Variants in ZNF529 observed in about 807,000 individuals in gnomAD.
The protein encoded by ZNF529 is zinc finger protein 529.
Under a neutral mutation model 10.1 loss-of-function variants are expected in ZNF529, and 11 were observed. The observed-to-expected ratio is 1.09, with a 90% CI of 0.69 to 1.81. ZNF529 has a LOEUF of 1.81. ZNF529 is among the 40% of genes most tolerant of loss of function. The probability of loss-of-function intolerance (pLI) is 0.00; values close to 1 mark genes in which losing one functional copy is unlikely to be tolerated. For synonymous variants in ZNF529, 204 were observed against 215.7 expected, an observed-to-expected ratio of 0.95 and a Z score of 0.47; for missense variants, 624 against 666.8, an observed-to-expected ratio of 0.94 and a Z score of 0.71.
At chr19:36,588,573 A>G (rs914493862) in intron 2 of ZNF529, among the ~76,000 whole-genome samples, 6 of 152,150 alleles carry the variant, frequency 3.9e-5, no homozygotes, top group African/African-American at 1.4e-4. Context: ...AATGAGTGCT[A>G]TTCTACCTCA....
intron 1 of ZNF529, among the ~76,000 whole-genome samples, chr19:36,601,613 A>G (rs2036925136): frequency 6.6e-6 from 1 of 152,108 alleles, no homozygotes; most frequent in Non-Finnish European, 1.5e-5. Flanking sequence ...TAAGCTTAAT[A>G]ATTTATTATT....
intron 2 of ZNF529, among the ~76,000 whole-genome samples, chr19:36,578,474 T>G (rs1226478826): frequency 1.3e-5 from 2 of 150,710 alleles, no homozygotes; most frequent in Non-Finnish European, 3.0e-5. Flanking sequence ...CCCGGCTAAT[T>G]TTTTGTATTT....
chr19:36,570,873 A>G (rs2036079465), intron 2 of ZNF529, among the ~76,000 whole-genome samples: 1 of 152,186 alleles, frequency 6.6e-6, no homozygotes, highest in South Asian at 2.1e-4. Context: ...CCAGGCCTTT[A>G]TTAAATTCTC....
chr19:36,562,226 A>G (rs1251597674), intron 2 of ZNF529, among the ~76,000 whole-genome samples: 1 of 152,036 alleles, frequency 6.6e-6, no homozygotes, highest in African/African-American at 2.4e-5. Flanking sequence ...GGAAAAAAAA[A>G]AAGAAATGTC....
At chr19:36,576,852 A>G (rs2036331106), upstream of ZNF529, among the ~76,000 whole-genome samples, 1 of 151,914 alleles carries the variant, frequency 6.6e-6, no homozygotes, top group Non-Finnish European at 1.5e-5. Context: ...ACAGATAGTG[A>G]TTTGATGTCT....
chr19:36,602,946 A>AAC (rs2036952486), intron 1 of ZNF529, among the ~76,000 whole-genome samples: 1 of 151,334 alleles, frequency 6.6e-6, no homozygotes, highest in African/African-American at 2.4e-5. Flanking sequence ...AAAAAAAAAA[A>AAC]AAAACACGTG....
intron 1 of ZNF529, among the ~76,000 whole-genome samples, chr19:36,597,851 T>C (rs1023445555): frequency 3.9e-5 from 6 of 152,148 alleles, no homozygotes; most frequent in Non-Finnish European, 8.8e-5. Flanking sequence ...TTAAAATAGG[T>C]AGATATTAAA....
At chr19:36,576,176 CTGT>C (rs1316205502), upstream of ZNF529, among the ~76,000 whole-genome samples, 2 of 152,052 alleles carry the variant, frequency 1.3e-5, no homozygotes, top group Non-Finnish European at 2.9e-5. Context: ...TCCCTTCTCT[CTGT>C]TGTTCACCTT....
chr19:36,566,236 T>C (rs1445999154), intron 2 of ZNF529, among the ~76,000 whole-genome samples: 2 of 152,190 alleles, frequency 1.3e-5, no homozygotes, highest in African/African-American at 4.8e-5. Flanking sequence ...CTGAAAGTGG[T>C]CTTGGAGTTC....
intron 1 of ZNF529, chr19:36,604,817 A>T (rs1390484589): frequency 1.3e-5 from 2 of 152,150 alleles, no homozygotes; most frequent in African/African-American, 4.8e-5. Context: ...GCCCCCACTC[A>T]GTCCCGCGGG....
rs75582661 is a variant in ZNF529, at chr19:36,583,031, T to C, written c.-41+6584A>G. Among the ~76,000 whole-genome samples, 840 of 151,220 alleles carry C rather than the reference T, an allele frequency of 5.6e-3. 23 individuals carry two copies. Among genetic ancestry groups the C allele is most frequent in the Admixed American group, 0.038 (570 of 15,096 alleles). ...TCAAAACTCTTGACTCAAAATGAAA[T>C]AGAAAAACAGAAAGTCTGTATCTAA... On this transcript the variant is annotated intron_variant, in intron 2 of 4. Transcript: ENST00000585960.
At chr19:36,569,837 A>G (rs958426602) in intron 2 of ZNF529, among the ~76,000 whole-genome samples, 6 of 152,050 alleles carry the variant, frequency 3.9e-5, no homozygotes, top group Non-Finnish European at 8.8e-5. Flanking sequence ...CATTCCAAAG[A>G]AGAAATTGTC....
chr19:36,552,201 C>T (rs1191437469), intron 4 of ZNF529, among the ~76,000 whole-genome samples: 6 of 151,982 alleles, frequency 3.9e-5, no homozygotes, highest in Non-Finnish European at 7.4e-5. Flanking sequence ...GAGGCCAAGG[C>T]GGGCAGATCA....
At chr19:36,575,753 G>C (rs2036300235), upstream of ZNF529, among the ~76,000 whole-genome samples, 1 of 151,878 alleles carries the variant, frequency 6.6e-6, no homozygotes, top group Non-Finnish European at 1.5e-5. Context: ...ATAATGATTA[G>C]GATTTAATAG....
At chr19:36,600,295 C>T (rs2036903374) in intron 1 of ZNF529, among the ~76,000 whole-genome samples, 1 of 152,112 alleles carries the variant, frequency 6.6e-6, no homozygotes, top group Non-Finnish European at 1.5e-5. Context: ...CTGTTTGGGC[C>T]ACAGTGGAGG....
At chr19:36,603,135 A>T (rs1344685303) in intron 1 of ZNF529, among the ~76,000 whole-genome samples, 1 of 152,152 alleles carries the variant, frequency 6.6e-6, no homozygotes. Context: ...ACGATCTCCT[A>T]TCTTGCTGTT....
chr19:36,565,040 T>G (rs1166329172), intron 2 of ZNF529, among the ~76,000 whole-genome samples: 3 of 152,070 alleles, frequency 2.0e-5, no homozygotes. Flanking sequence ...AGCTAAACAC[T>G]GGGTACAAAT....
intron 2 of ZNF529, among the ~76,000 whole-genome samples, chr19:36,562,270 G>C (rs903464883): frequency 1.3e-5 from 2 of 152,064 alleles, no homozygotes; most frequent in Non-Finnish European, 2.9e-5. Context: ...TTGTAGCTTG[G>C]AAGCACGTAA....
intron 2 of ZNF529, among the ~76,000 whole-genome samples, chr19:36,556,637 C>T (rs1262050344): frequency 3.3e-5 from 5 of 152,176 alleles, no homozygotes; most frequent in Non-Finnish European, 7.3e-5. Context: ...TCCTGGCTCC[C>T]GGGGCAAGTG....
Sources: allele counts gnomAD v4.1 joint callset (sites outside exome capture counted in the v4.1 genomes callset), GRCh38; gene constraint gnomAD v4.1.1; transcripts MANE v1.5; gene names NCBI Gene and HGNC (gene_info 2026-07-23, HGNC 2026-07-21).